The following TENM4 variants were observed in gnomAD, a reference collection of about 807,000 sequenced individuals.
TENM4 encodes teneurin-4.
TENM4 carries 82 observed loss-of-function variants against 243.3 expected under a neutral mutation model. That is an observed-to-expected ratio of 0.34 (90% CI 0.28 to 0.40). TENM4 has a LOEUF of 0.40. Among genes scored for constraint, TENM4 ranks in the 10% least tolerant of loss-of-function variants. The pLI is 1.00. For missense variants in TENM4, 3,138 were observed against 3,673.3 expected, an observed-to-expected ratio of 0.85 and a Z score of 3.77; for synonymous variants, 1,412 against 1,456.3, an observed-to-expected ratio of 0.97 and a Z score of 0.69.
intron 2 of TENM4, among the ~76,000 whole-genome samples, chr11:79,259,274 A>G (rs1248051350): frequency 6.6e-6 from 1 of 152,170 alleles, no homozygotes; most frequent in Non-Finnish European, 1.5e-5. Context: ...ACTAGTATGA[A>G]TTCATCTATC....
chr11:78,750,558 C>G (rs12278608), intron 19 of TENM4, among the ~76,000 whole-genome samples: 1 of 152,190 alleles, frequency 6.6e-6, no homozygotes. Context: ...GTAGGAGAGG[C>G]AGCTCTCATG....
chr11:79,437,587 GCGGACTC>G (rs1460742155), intron 1 of TENM4, among the ~76,000 whole-genome samples: 1 of 152,204 alleles, frequency 6.6e-6, no homozygotes, highest in Non-Finnish European at 1.5e-5. Context: ...GCGGCGTCCC[GCGGACTC>G]CGGCGGAGAG....
intron 6 of TENM4, among the ~76,000 whole-genome samples, chr11:79,007,606 G>C (rs750943037): frequency 6.6e-6 from 1 of 152,148 alleles, no homozygotes; most frequent in Admixed American, 6.5e-5. Context: ...AGTAAGGCAG[G>C]CTCCTTCCAG....
intron 1 of TENM4, among the ~76,000 whole-genome samples, chr11:79,348,404 A>C (rs962642396): frequency 6.6e-6 from 1 of 152,174 alleles, no homozygotes; most frequent in Non-Finnish European, 1.5e-5. Flanking sequence ...GGATCATACA[A>C]GATGCCTCAG....
At chr11:78,695,775 T>C (rs1858945856) in intron 28 of TENM4, among the ~76,000 whole-genome samples, 1 of 150,080 alleles carries the variant, frequency 6.7e-6, no homozygotes, top group Non-Finnish European at 1.5e-5. Flanking sequence ...TAAAATGCTT[T>C]TTTTTTTTTT....
At chr11:79,034,027 C>T (rs558492432) in intron 6 of TENM4, among the ~76,000 whole-genome samples, 6 of 152,296 alleles carry the variant, frequency 3.9e-5, no homozygotes, top group African/African-American at 1.2e-4. Context: ...GGTCACCATG[C>T]TGCCTTTTAG....
intron 1 of TENM4, among the ~76,000 whole-genome samples, chr11:79,393,657 G>T (rs1403367791): frequency 6.6e-6 from 1 of 152,216 alleles, no homozygotes; most frequent in East Asian, 1.9e-4. Context: ...CTTGCCCAGA[G>T]GAGCAGAGGC....
chr11:79,167,576 G>A lies in TENM4; in HGVS notation c.-162-18770C>T, dbSNP rs149378697. ...AGGAGCAGCAGAAACTGGGTAGTCTGCCTCCTGGGTCTTGCTGCTGATCAC... is the reference window on the plus strand; with the variant it reads ...AGGAGCAGCAGAAACTGGGTAGTCTACCTCCTGGGTCTTGCTGCTGATCAC... On this transcript the variant is annotated intron_variant, in intron 3 of 33. Coordinates refer to ENST00000278550, the MANE Select transcript of TENM4 (RefSeq NM_001098816.3). Among the ~76,000 whole-genome samples the A allele has an allele frequency of 4.1e-3, 630 of 152,344 alleles. 3 individuals are homozygous for A. Among genetic ancestry groups the A allele is most frequent in the African/African-American group, 0.014 (602 of 41,590 alleles).
chr11:79,020,460 A>G (rs1361456609), intron 6 of TENM4, among the ~76,000 whole-genome samples: 3 of 152,232 alleles, frequency 2.0e-5, no homozygotes, highest in Non-Finnish European at 2.9e-5. Context: ...GATCATTCAA[A>G]TTTATGTGTC....
chr11:79,350,796 G>T (rs1023276403), intron 1 of TENM4, among the ~76,000 whole-genome samples: 1 of 151,900 alleles, frequency 6.6e-6, no homozygotes, highest in South Asian at 2.1e-4. Flanking sequence ...CAACTACCAC[G>T]CCCTTCAGGG....
intron 1 of TENM4, among the ~76,000 whole-genome samples, chr11:79,383,741 A>T (rs1439990440): frequency 1.3e-5 from 2 of 152,138 alleles, no homozygotes; most frequent in South Asian, 4.1e-4. Context: ...TTTTTACTGT[A>T]GTCTAAAACA....
At position 79,345,970 on chromosome 11, in the gene TENM4, T is replaced by C. The variant is rs551635487; in HGVS notation, c.-320-48427A>G. The stretch of plus-strand genomic sequence containing the variant: ...GAACTTATTGAAATAGATTCTCAGG[T>C]CTTTCTTCAGAAAGAAAAATGTGTA... On this transcript the variant is annotated intron_variant, in intron 1 of 33. Coordinates refer to ENST00000278550, the MANE Select transcript of TENM4 (RefSeq NM_001098816.3). Among the ~76,000 whole-genome samples, 9 of 152,326 alleles carry C rather than the reference T, an allele frequency of 5.9e-5. No individual in the cohort carries two copies. In the South Asian group the frequency reaches 1.9e-3, roughly 32 times the overall value.
intron 6 of TENM4, among the ~76,000 whole-genome samples, chr11:78,952,769 CT>C (rs1245163936): frequency 6.6e-6 from 1 of 152,108 alleles, no homozygotes; most frequent in Non-Finnish European, 1.5e-5. Context: ...AGATGTTTTC[CT>C]GTTTCTCCTT....
At chr11:78,942,976 G>C (rs1856934305) in intron 6 of TENM4, among the ~76,000 whole-genome samples, 1 of 152,178 alleles carries the variant, frequency 6.6e-6, no homozygotes, top group South Asian at 2.1e-4. Context: ...CAGGCCGGAA[G>C]TGCTCAGATT....
At chr11:78,934,391 G>A (rs888970353) in intron 6 of TENM4, among the ~76,000 whole-genome samples, 4 of 114,342 alleles carry the variant, frequency 3.5e-5, no homozygotes, top group African/African-American at 9.9e-5. Flanking sequence ...ATGAGCGAAG[G>A]ATTCTCAGGG....
intron 6 of TENM4, among the ~76,000 whole-genome samples, chr11:78,982,292 G>A (rs1300558935): frequency 2.0e-5 from 3 of 152,172 alleles, no homozygotes; most frequent in African/African-American, 7.2e-5. Flanking sequence ...TAACAAGGCA[G>A]ATACAATACA....
At chr11:79,138,330 T>TATATATATTA (rs1473021044) in intron 4 of TENM4, among the ~76,000 whole-genome samples, 1 of 116,590 alleles carries the variant, frequency 8.6e-6, no homozygotes, top group African/African-American at 3.6e-5. Flanking sequence ...TATATATATA[T>TATATATATTA]TATATATATA....
chr11:79,254,282 C>A (rs1045614845), intron 2 of TENM4, among the ~76,000 whole-genome samples: 2 of 152,074 alleles, frequency 1.3e-5, no homozygotes, highest in African/African-American at 4.8e-5. Flanking sequence ...CTGAGGTAAA[C>A]GATGTATGGC....
chr11:78,808,019 T>C (rs1349267072), intron 14 of TENM4, among the ~76,000 whole-genome samples: 6 of 152,232 alleles, frequency 3.9e-5, no homozygotes, highest in African/African-American at 1.4e-4. Flanking sequence ...TATCAGGACA[T>C]TCAGTAGCAT....
Sources: allele counts gnomAD v4.1 joint callset (sites outside exome capture counted in the v4.1 genomes callset), GRCh38; gene constraint gnomAD v4.1.1; transcripts MANE v1.5; gene names NCBI Gene and HGNC (gene_info 2026-07-23, HGNC 2026-07-21).